Variants in CASZ1 observed in about 807,000 individuals in gnomAD.
The protein encoded by CASZ1 is zinc finger protein castor homolog 1.
A neutral mutation model predicts 135.2 loss-of-function variants in CASZ1; 28 were observed. The observed-to-expected ratio is 0.21, with a 90% CI of 0.15 to 0.28. CASZ1 has a LOEUF of 0.28. Among genes scored for constraint, CASZ1 ranks in the 10% least tolerant of loss-of-function variants. CASZ1 has a pLI of 1.00. For synonymous variants in CASZ1, 1,068 were observed against 1,073.4 expected, an observed-to-expected ratio of 0.99 and a Z score of 0.10; for missense variants, 2,161 against 2,453.3, an observed-to-expected ratio of 0.88 and a Z score of 2.52.
chr1:10,723,216 G>A (rs1449167917), intron 2 of CASZ1, among the ~76,000 whole-genome samples: 1 of 152,182 alleles, frequency 6.6e-6, no homozygotes, highest in African/African-American at 2.4e-5. Context: ...ACAAGAGGAA[G>A]GGTTTCATCT....
chr1:10,710,907 G>T (rs577448313), intron 2 of CASZ1, among the ~76,000 whole-genome samples: 1 of 152,396 alleles, frequency 6.6e-6, no homozygotes, highest in South Asian at 2.1e-4. Context: ...AAGGTGGGCA[G>T]ATCACCTGAG....
At chr1:10,651,179 C>T in intron 11 of CASZ1, 103 bp from the exon 12 acceptor site, 1 of 950,578 alleles carries the variant, frequency 1.1e-6, no homozygotes, top group Non-Finnish European at 1.4e-6. Context: ...GCTGGGTGGG[C>T]CCCGGCTACT....
At chr1:10,778,354 A>C (rs888350456) in intron 1 of CASZ1, among the ~76,000 whole-genome samples, 2 of 151,918 alleles carry the variant, frequency 1.3e-5, no homozygotes, top group Admixed American at 1.3e-4. Context: ...ACTTCACCTC[A>C]CACAATCTCA....
Position 10,700,598 on chromosome 1 carries a change from C to T in CASZ1, c.-24+4894G>A, listed in dbSNP as rs1286072689. ...GGTTAGCCAGGACATCAAGCAATCC[C>T]TCATGGAGCACCAGCTCTGGAGTCT... is the stretch of plus-strand genomic sequence containing the variant. On this transcript the variant is annotated intron_variant, in intron 3 of 20. Transcript: ENST00000377022. The surrounding 1 kb of genome is among the most constrained non-coding windows in gnomAD (Gnocchi z 4.2). Among the ~76,000 whole-genome samples the T allele has an allele frequency of 3.3e-5, 5 of 152,162 alleles. No homozygotes were observed. Among genetic ancestry groups the T allele is most frequent in the Non-Finnish European group, 7.3e-5 (5 of 68,028 alleles).
At chr1:10,723,073 G>T (rs773497387) in intron 2 of CASZ1, among the ~76,000 whole-genome samples, 1 of 152,250 alleles carries the variant, frequency 6.6e-6, no homozygotes, top group African/African-American at 2.4e-5. Flanking sequence ...GCATCATGGC[G>T]CCAGGAGCCA....
intron 3 of CASZ1, among the ~76,000 whole-genome samples, chr1:10,696,648 C>T (rs532936125): frequency 3.9e-5 from 6 of 152,368 alleles, no homozygotes; most frequent in African/African-American, 1.4e-4. Flanking sequence ...CCTCTGCTCT[C>T]CTATCTGGGC....
At chr1:10,778,258 C>T (rs568344557) in intron 1 of CASZ1, among the ~76,000 whole-genome samples, 1 of 151,718 alleles carries the variant, frequency 6.6e-6, no homozygotes, top group African/African-American at 2.4e-5. Context: ...CACAGCATCT[C>T]CCACAAAAAT....
intron 2 of CASZ1, among the ~76,000 whole-genome samples, chr1:10,750,621 T>C (rs187603755): frequency 6.6e-6 from 1 of 151,430 alleles, no homozygotes; most frequent in East Asian, 2.0e-4. Context: ...AGGCTGAGGC[T>C]GGGCGAGGTG....
rs1642697106 is a variant in CASZ1, at chr1:10,653,950, G to A, written c.2107C>T (p.Leu703=). The A allele has an allele frequency of 6.2e-7, 1 of 1,613,658 alleles. No individual in the cohort carries two copies. The highest frequency in any genetic ancestry group is 8.5e-7 in the Non-Finnish European group (1 of 1,179,768). Residue 703 remains leucine (L), a synonymous_variant, in exon 11 of 21, where the codon CTG becomes TTG. Transcript: ENST00000377022. The part of the protein sequence containing the change: ...ERRHIRSSGA[L]GLPPSLLGAK... The stretch of plus-strand genomic sequence containing the variant: ...CCCAGCAGCGAGGGCGGCAGCCCCA[G>A]CGCGCCCGAGGAGCGGATGTGCCGG...
chr1:10,793,086 A>G (rs1180145666), intron 1 of CASZ1, among the ~76,000 whole-genome samples: 2 of 152,196 alleles, frequency 1.3e-5, no homozygotes, highest in South Asian at 2.1e-4. Context: ...GCTGAGCTAC[A>G]AGTTTTGTTT....
At chr1:10,763,149 A>G (rs891781959) in intron 1 of CASZ1, among the ~76,000 whole-genome samples, 9 of 152,314 alleles carry the variant, frequency 5.9e-5, no homozygotes, top group Middle Eastern at 3.4e-3. Context: ...GGGGCCTTCC[A>G]TAAACTGAGG....
chr1:10,672,724 G>A (rs943758887), intron 4 of CASZ1, among the ~76,000 whole-genome samples: 2 of 152,108 alleles, frequency 1.3e-5, no homozygotes, highest in Non-Finnish European at 2.9e-5. Context: ...AATAGAGGTC[G>A]GCAGCTGCGC....
Position 10,778,549 on chromosome 1 carries a change from C to G in CASZ1, c.-233-17692G>C, listed in dbSNP as rs909821776. 2.6e-5 allele frequency among the ~76,000 whole-genome samples: 4 copies of G among 152,168 alleles called. No individual in the cohort carries two copies. In the East Asian group the frequency reaches 7.7e-4, roughly 29 times the overall value. On this transcript the variant is annotated intron_variant, in intron 1 of 20. Coordinates refer to ENST00000377022, the MANE Select transcript of CASZ1 (RefSeq NM_001079843.3). Reference sequence around the variant, plus strand: ...GATCACACGCAAAACGATTTACACACGAACACAATCTCACACACACAAAAC... The same window carrying G: ...GATCACACGCAAAACGATTTACACAGGAACACAATCTCACACACACAAAAC...
rs1447063891 is a variant in CASZ1 at position 10,711,351 on chromosome 1, T to C, written c.-76-5807A>G. On this transcript the variant is annotated intron_variant, in intron 2 of 20. Transcript: ENST00000377022. The surrounding 1 kb of genome is among the most constrained non-coding windows in gnomAD (Gnocchi z 4.4). The stretch of plus-strand genomic sequence containing the variant: ...GCACCTACTACATGCTATTAGATCC[T>C]TGTCCTAGACCTAGAGAACATTGGC... 1.3e-5 allele frequency among the ~76,000 whole-genome samples: 2 copies of C among 152,280 alleles called. No individual in the cohort carries two copies. Among genetic ancestry groups the C allele is most frequent in the Middle Eastern group, 3.4e-3 (1 of 294 alleles).
At chr1:10,670,371 A>G (rs954768081) in intron 4 of CASZ1, among the ~76,000 whole-genome samples, 2 of 152,214 alleles carry the variant, frequency 1.3e-5, no homozygotes, top group Non-Finnish European at 2.9e-5. Flanking sequence ...GCCCAAGGTC[A>G]TAATCTTCAA....
At chr1:10,733,758 G>A (rs747944002) in intron 2 of CASZ1, among the ~76,000 whole-genome samples, 5 of 152,110 alleles carry the variant, frequency 3.3e-5, no homozygotes, top group Non-Finnish European at 7.4e-5. Flanking sequence ...GGGCAGCCTG[G>A]ACTCTGGGGA....
chr1:10,650,551 A>G, intron 13 of CASZ1, 141 bp downstream of exon 13: 1 of 684,454 alleles, frequency 1.5e-6, no homozygotes, highest in Non-Finnish European at 2.6e-6. Context: ...ATCCGATGAA[A>G]AATGGCCTCA....
chr1:10,700,484 G>C lies in CASZ1; in HGVS notation c.-24+5008C>G, dbSNP rs1418760345. Among the ~76,000 whole-genome samples the C allele has an allele frequency of 6.6e-6, 1 of 152,202 alleles. No individual in the cohort carries two copies. The highest frequency in any genetic ancestry group is 2.4e-5 in the African/African-American group (1 of 41,444). On this transcript the variant is annotated intron_variant, in intron 3 of 20. Coordinates refer to ENST00000377022, the MANE Select transcript of CASZ1 (RefSeq NM_001079843.3). This position sits in a 1 kb window ranked among gnomAD's most constrained non-coding sequence, Gnocchi z 4.2. The stretch of plus-strand genomic sequence containing the variant: ...AGAAGACACGTGTGCTGCTGCCTGA[G>C]TCTAGGTGTTTGGATGGTGTATGTA...
chr1:10,728,170 G>A (rs1413625698), intron 2 of CASZ1, among the ~76,000 whole-genome samples: 1 of 152,200 alleles, frequency 6.6e-6, no homozygotes, highest in Middle Eastern at 3.2e-3. Flanking sequence ...GCCGCACACG[G>A]GAGGACTCAG....
Sources: allele counts gnomAD v4.1 joint callset (sites outside exome capture counted in the v4.1 genomes callset), GRCh38; gene constraint gnomAD v4.1.1; non-coding constraint Gnocchi (gnomAD v3.1); transcripts MANE v1.5; gene names NCBI Gene and HGNC (gene_info 2026-07-23, HGNC 2026-07-21).